The following ITGA11 variants were observed in gnomAD, a reference collection of about 807,000 sequenced individuals.
ITGA11 encodes the protein integrin alpha-11.
ITGA11 carries 97 observed loss-of-function variants against 141.9 expected under a neutral mutation model. The observed-to-expected ratio is 0.68, with a 90% confidence interval of 0.58 to 0.81. The LOEUF is 0.81. ITGA11 is among the 30% of genes least tolerant of loss of function. ITGA11 has a pLI of 0.00. For missense variants in ITGA11, 1,387 were observed against 1,559.2 expected, an observed-to-expected ratio of 0.89 and a Z score of 1.86; for synonymous variants, 658 against 624.6, an observed-to-expected ratio of 1.05 and a Z score of -0.80.
In ITGA11 at chr15:68,326,839, T is replaced by G; in HGVS notation, c.2069-43A>C. ...GCAAGACCACAAAGGTGGAGCCACA[T>G]GCCCATCCAAGACTGTCTGCCTCCT... On this transcript the variant is annotated intron_variant, in intron 16 of 29. Transcript: ENST00000315757. The surrounding 1 kb of genome is among the most constrained non-coding windows in gnomAD (Gnocchi z 6.8). 1 of 1,548,502 alleles carries G rather than the reference T, an allele frequency of 6.5e-7. No individual in the cohort carries two copies. Among genetic ancestry groups the G allele is most frequent in the Non-Finnish European group, 8.7e-7 (1 of 1,145,192 alleles).
chr15:68,372,886 C>A (rs1217885472), intron 2 of ITGA11, among the ~76,000 whole-genome samples: 2 of 152,164 alleles, frequency 1.3e-5, no homozygotes, highest in African/African-American at 4.8e-5. Context: ...TTTTAAAATT[C>A]AATCTCCTGT....
rs80139932 is a variant in ITGA11 at position 68,378,176 on chromosome 15, C to T, written c.165-8892G>A. 9.2e-3 allele frequency among the ~76,000 whole-genome samples: 1,402 copies of T among 152,328 alleles called. 31 individuals are homozygous for T. Among genetic ancestry groups the T allele is most frequent in the African/African-American group, 0.03 (1,262 of 41,564 alleles). On this transcript the variant is annotated intron_variant, in intron 2 of 29. Transcript: ENST00000315757. ...GGCCGTGGGCCAGAGCCTCTGTTTA[C>T]TTTCTTGCCTCAGGCCCCTCAGATG...
chr15:68,317,702 G>A (rs994669721), intron 20 of ITGA11, among the ~76,000 whole-genome samples: 1 of 152,216 alleles, frequency 6.6e-6, no homozygotes, highest in Non-Finnish European at 1.5e-5. Context: ...AGGATTACAT[G>A]ACGCGATGCA....
intron 20 of ITGA11, 108 bp downstream of exon 20, chr15:68,320,077 A>G (rs748861940): frequency 2.1e-6 from 2 of 931,810 alleles, no homozygotes; most frequent in Non-Finnish European, 3.3e-6. Context: ...GGCATGAGCC[A>G]CTGCATCCAG....
intron 9 of ITGA11, among the ~76,000 whole-genome samples, chr15:68,349,879 A>G (rs1894849999): frequency 6.6e-6 from 1 of 152,232 alleles, no homozygotes; most frequent in East Asian, 1.9e-4. Context: ...AGACTCTGCT[A>G]GGCACAAGCT....
In ITGA11 at chr15:68,315,867, TG is replaced by T. The variant is rs372273706; in HGVS notation, c.2716-141del. On this transcript the variant is annotated intron_variant, in intron 21 of 29. Coordinates refer to ENST00000315757, the MANE Select transcript of ITGA11 (RefSeq NM_001004439.2). ...GGGGAGCTGCTGGCTGGGAACAGGC[TG>T]GGAAAGGGAGGACCAGGTGCTACAG... The T allele has an allele frequency of 9.5e-4, 626 of 662,080 alleles. 9 individuals are homozygous for T. The African/African-American group carries it at 9.9e-3, about 10-fold the overall frequency. 41.0% of individuals were successfully genotyped at this position (662,080 alleles called of 1,614,324 possible).
chr15:68,427,110 C>G (rs965125498), intron 1 of ITGA11, among the ~76,000 whole-genome samples: 1 of 151,004 alleles, frequency 6.6e-6, no homozygotes, highest in Non-Finnish European at 1.5e-5. Context: ...CTTGGATGAG[C>G]CTTTTAACTT....
rs1276262431 is a variant in ITGA11 at position 68,303,826 on chromosome 15, G to A, written c.3441C>T (p.Gly1147=). 2.4e-5 allele frequency: 38 copies of A among 1,613,198 alleles called. No individual in the cohort carries two copies. Among genetic ancestry groups the A allele is most frequent in the Non-Finnish European group, 2.7e-5 (32 of 1,179,500 alleles). Residue 1147 remains glycine, a synonymous_variant, in exon 29 of 30, where the codon GGC becomes GGT. Transcript: ENST00000315757. The surrounding 1 kb of genome is among the most constrained non-coding windows in gnomAD (Gnocchi z 5.3). Reference sequence around the variant, plus strand: ...GCAGTAGGAGGCCCCCCAGGGTGCTGCCTACAATGATCCAGATGGGGACCT... The same window carrying A: ...GCAGTAGGAGGCCCCCCAGGGTGCTACCTACAATGATCCAGATGGGGACCT... The part of the protein sequence containing the change: ...DWQVPIWIIV[G]STLGGLLLLA...
In ITGA11 at chr15:68,312,676, C is replaced by A. The variant is rs1399854543; in HGVS notation, c.2973+97G>T. The A allele has an allele frequency of 4.5e-6, 4 of 890,600 alleles. No homozygotes were observed. In the East Asian group the frequency reaches 8.0e-5, roughly 18 times the overall value. The allele number at this position is 890,600 out of a possible 1,614,324, so 55.2% of individuals were successfully genotyped here. A position where few individuals can be genotyped will look rare whatever the true frequency, so the allele number is the denominator to read the frequency against. ...GGTGGGTGGCAGGGTTGAGGCTGGA[C>A]TCCGGGCACTAGCGATGATTCCACA... is the stretch of plus-strand genomic sequence containing the variant. On this transcript the variant is annotated intron_variant, in intron 24 of 29. Transcript: ENST00000315757.
chr15:68,331,831 T>C (rs756114212), intron 14 of ITGA11, 28 bp downstream of exon 14: 1 of 1,585,634 alleles, frequency 6.3e-7, no homozygotes, highest in Non-Finnish European at 8.6e-7. Context: ...CCCCATTTGC[T>C]CCATCCGCTT....
At chr15:68,364,927 G>T in intron 3 of ITGA11, 129 bp from the exon 4 acceptor site, 2 of 926,496 alleles carry the variant, frequency 2.2e-6, no homozygotes, top group Non-Finnish European at 3.4e-6. Context: ...TGGCTCTCAG[G>T]GTTTACAAAG....
Position 68,308,493 on chromosome 15 carries a change from G to T in ITGA11, c.3175-797C>A, listed in dbSNP as rs755506659. On this transcript the variant is annotated intron_variant, in intron 26 of 29. Transcript: ENST00000315757. This position sits in a 1 kb window ranked among gnomAD's most constrained non-coding sequence, Gnocchi z 5.2. ...ATGGTGGCTCACGCCTGTAATCTCA[G>T]CACTTTGGGAGGCCAAGGCAGGCGG... Among the ~76,000 whole-genome samples, 2 of 152,172 alleles carry T rather than the reference G, an allele frequency of 1.3e-5. No individual in the cohort carries two copies. The highest frequency in any genetic ancestry group is 4.8e-5 in the African/African-American group (2 of 41,440).
At chr15:68,332,561 G>A in intron 12 of ITGA11, 83 bp from the exon 13 acceptor site, 2 of 1,483,044 alleles carry the variant, frequency 1.3e-6, no homozygotes, top group Non-Finnish European at 1.8e-6. Context: ...GCAGAGGGAA[G>A]CCAAGGTCAT....
At chr15:68,320,037 A>T in intron 20 of ITGA11, 148 bp downstream of exon 20, 1 of 677,100 alleles carries the variant, frequency 1.5e-6, no homozygotes, top group Non-Finnish European at 2.5e-6. Flanking sequence ...TGATCCTCCC[A>T]CCTCAGCCTC....
At chr15:68,430,962 C>T (rs1479842495) in intron 1 of ITGA11, among the ~76,000 whole-genome samples, 1 of 152,258 alleles carries the variant, frequency 6.6e-6, no homozygotes, top group Non-Finnish European at 1.5e-5. Context: ...ACTACCACCG[C>T]ATCTGACCCC....
intron 16 of ITGA11, among the ~76,000 whole-genome samples, chr15:68,327,741 C>G (rs929505741): frequency 5.3e-5 from 6 of 112,780 alleles, no homozygotes; most frequent in African/African-American, 1.8e-4. Flanking sequence ...AGCACCCCCC[C>G]TGTAGGACTC....
chr15:68,335,924 G>A lies in ITGA11; in HGVS notation c.1277-79C>T. On this transcript the variant is annotated intron_variant, in intron 11 of 29. Coordinates refer to ENST00000315757, the MANE Select transcript of ITGA11 (RefSeq NM_001004439.2). This position sits in a 1 kb window ranked among gnomAD's most constrained non-coding sequence, Gnocchi z 4.9. ...GCTTGGCCCGGTGCATGGCTTGGCA[G>A]TGCCAGAGGATGGGCCAGTGATGGG... 6.6e-7 allele frequency: 1 copy of A among 1,511,464 alleles called. No individual in the cohort carries two copies. The highest frequency in any genetic ancestry group is 2.4e-5 in the East Asian group (1 of 41,562). The allele number at this position is 1,511,464 out of a possible 1,614,324, so 93.6% of individuals were successfully genotyped here. A position where few individuals can be genotyped will look rare whatever the true frequency, so the allele number is the denominator to read the frequency against.
At chr15:68,420,330 C>G (rs1412296339) in intron 1 of ITGA11, among the ~76,000 whole-genome samples, 2 of 152,218 alleles carry the variant, frequency 1.3e-5, no homozygotes, top group Non-Finnish European at 2.9e-5. Context: ...CTTGTGTCAT[C>G]TCAGAGTCAT....
chr15:68,363,695 C>T (rs549121852), intron 4 of ITGA11, among the ~76,000 whole-genome samples: 14 of 152,310 alleles, frequency 9.2e-5, no homozygotes, highest in Admixed American at 1.3e-4. Flanking sequence ...CTCTGAAGTC[C>T]TCTCCTGCAA....
Sources: gnomAD v4.1 joint callset for allele counts (sites outside exome capture counted in the v4.1 genomes callset) on GRCh38, gnomAD v4.1.1 for gene constraint, Gnocchi (gnomAD v3.1) non-coding constraint, MANE v1.5 for transcripts, NCBI Gene and HGNC (gene_info 2026-07-23, HGNC 2026-07-21) for gene names.